RBFOX3: variants seen among roughly 807,000 people sequenced by gnomAD.
The protein encoded by RBFOX3 is RNA binding protein fox-1 homolog 3.
Under a neutral mutation model 48.7 loss-of-function variants are expected in RBFOX3, and 17 were observed. That is an observed-to-expected ratio of 0.35 (90% CI 0.24 to 0.52). RBFOX3 has a LOEUF of 0.52. Among genes scored for constraint, RBFOX3 ranks in the 20% least tolerant of loss-of-function variants. The pLI is 0.94. For synonymous variants in RBFOX3, 212 were observed against 209.5 expected (o/e 1.01, Z -0.10); for missense variants, 382 against 497.5 (o/e 0.77, Z 2.21).
intron 1 of RBFOX3, among the ~76,000 whole-genome samples, chr17:79,544,453 A>C (rs2090126365): frequency 6.6e-6 from 1 of 152,050 alleles, no homozygotes; most frequent in Non-Finnish European, 1.5e-5. Flanking sequence ...TGATTTGGAG[A>C]AGGAGGTGAC....
At position 79,530,946 on chromosome 17, in the gene RBFOX3, G is replaced by A. The variant is rs2087658783; in HGVS notation, c.-319-48348C>T. Reference sequence around the variant, plus strand: ...CTCGGCCAGTCAGAGCCACGTGGCTGTGCCGTGCGGCAGGAAGGCCGCCGT... The same window carrying A: ...CTCGGCCAGTCAGAGCCACGTGGCTATGCCGTGCGGCAGGAAGGCCGCCGT... On this transcript the variant is annotated intron_variant, in intron 1 of 14. Transcript: ENST00000693108. 3.3e-5 allele frequency among the ~76,000 whole-genome samples: 5 copies of A among 152,344 alleles called. No individual in the cohort carries two copies. In the South Asian group the frequency reaches 1.0e-3, roughly 32 times the overall value.
intron 4 of RBFOX3, among the ~76,000 whole-genome samples, chr17:79,152,385 G>A (rs1243182341): frequency 1.3e-5 from 2 of 151,824 alleles, no homozygotes; most frequent in African/African-American, 4.9e-5. Context: ...TGCCAGCCGA[G>A]GCCCAGAGAG....
intron 3 of RBFOX3, among the ~76,000 whole-genome samples, chr17:79,297,557 G>A (rs117506196): frequency 0.013 from 2,053 of 152,378 alleles, 24 homozygotes; most frequent in Non-Finnish European, 0.019. Flanking sequence ...AAGAAGCAAA[G>A]CTGATGTAGG....
chr17:79,161,636 C>A (rs182668207), intron 4 of RBFOX3, among the ~76,000 whole-genome samples: 1 of 152,290 alleles, frequency 6.6e-6, no homozygotes, highest in African/African-American at 2.4e-5. Flanking sequence ...CACTCTGTCA[C>A]CCAGGCTGGA....
At chr17:79,652,544 C>A in the RBFOX3 span, among the ~76,000 whole-genome samples, 116,091 of 122,976 alleles carry the variant, frequency 0.94, 54,766 homozygotes, top group Non-Finnish European at 1. Context: ...GGGAAAAGAA[C>A]GAGAGAAAGA....
At chr17:79,653,705 C>T in the RBFOX3 span, among the ~76,000 whole-genome samples, 2 of 151,492 alleles carry the variant, frequency 1.3e-5, no homozygotes, top group Non-Finnish European at 2.9e-5. Context: ...AAAGAGAATG[C>T]TGGTGTTTAT....
intron 2 of RBFOX3, among the ~76,000 whole-genome samples, chr17:79,372,716 C>A (rs1412612721): frequency 6.6e-6 from 1 of 152,020 alleles, no homozygotes; most frequent in Non-Finnish European, 1.5e-5. Flanking sequence ...CCTGATTAAC[C>A]CTTCTCATGC....
At chr17:79,121,978 A>G (rs2035866757) in intron 4 of RBFOX3, among the ~76,000 whole-genome samples, 1 of 151,994 alleles carries the variant, frequency 6.6e-6, no homozygotes, top group Non-Finnish European at 1.5e-5. Flanking sequence ...ACGTGCCCCC[A>G]AAGGGACCTC....
chr17:79,465,753 C>T (rs374761692), intron 2 of RBFOX3, among the ~76,000 whole-genome samples: 1 of 152,236 alleles, frequency 6.6e-6, no homozygotes, highest in Non-Finnish European at 1.5e-5. Flanking sequence ...GGGAGTCACT[C>T]GGCAGGTAGC....
At chr17:79,456,605 A>G (rs1308587264) in intron 2 of RBFOX3, among the ~76,000 whole-genome samples, 2 of 151,868 alleles carry the variant, frequency 1.3e-5, no homozygotes, top group African/African-American at 4.8e-5. Context: ...TAAAATATTA[A>G]TCGGTGAATT....
At chr17:79,310,541 G>A (rs1292612036) in intron 2 of RBFOX3, among the ~76,000 whole-genome samples, 1 of 151,836 alleles carries the variant, frequency 6.6e-6, no homozygotes. Context: ...GCCCCGTCCT[G>A]CTTCTAGGAC....
intron 2 of RBFOX3, among the ~76,000 whole-genome samples, chr17:79,329,684 A>G (rs988471361): frequency 6.6e-6 from 1 of 152,054 alleles, no homozygotes; most frequent in Non-Finnish European, 1.5e-5. Context: ...CCCCGGCCTA[A>G]TGGCCAGCCC....
At chr17:79,258,475 C>A (rs541849898) in intron 3 of RBFOX3, among the ~76,000 whole-genome samples, 1 of 152,192 alleles carries the variant, frequency 6.6e-6, no homozygotes, top group African/African-American at 2.4e-5. Context: ...TTACTGAGCA[C>A]GGGAATGTGC....
chr17:79,203,534 G>A (rs2057083254), intron 4 of RBFOX3, among the ~76,000 whole-genome samples: 1 of 71,272 alleles, frequency 1.4e-5, no homozygotes, highest in Non-Finnish European at 2.9e-5. Flanking sequence ...TGTAAGGACT[G>A]TGGGGGTGGG....
At chr17:79,232,096 G>A (rs1280939644) in intron 4 of RBFOX3, among the ~76,000 whole-genome samples, 1 of 152,104 alleles carries the variant, frequency 6.6e-6, no homozygotes, top group Non-Finnish European at 1.5e-5. Context: ...ATTATCACGA[G>A]AACAGCATGG....
chr17:79,289,024 G>C (rs990158201), intron 3 of RBFOX3, among the ~76,000 whole-genome samples: 2 of 152,110 alleles, frequency 1.3e-5, no homozygotes, highest in Non-Finnish European at 2.9e-5. Context: ...CATGGGGACA[G>C]CTGGGGGGAG....
At chr17:79,213,494 G>A (rs1480548945) in intron 4 of RBFOX3, among the ~76,000 whole-genome samples, 2 of 152,216 alleles carry the variant, frequency 1.3e-5, no homozygotes, top group Non-Finnish European at 2.9e-5. Flanking sequence ...GTCAAGGGCT[G>A]GCCCTCCCCT....
chr17:79,458,904 T>C (rs988586604), intron 2 of RBFOX3, among the ~76,000 whole-genome samples: 2 of 152,212 alleles, frequency 1.3e-5, no homozygotes, highest in Non-Finnish European at 2.9e-5. Context: ...TCCCTCTCTC[T>C]GTCCCTCCAA....
chr17:79,133,875 G>A (rs1018533279), intron 4 of RBFOX3, among the ~76,000 whole-genome samples: 19 of 152,190 alleles, frequency 1.2e-4, no homozygotes, highest in African/African-American at 4.3e-4. Flanking sequence ...TGTGAATATC[G>A]GAGCAGCCCC....
Sources: allele counts gnomAD v4.1 joint callset (sites outside exome capture counted in the v4.1 genomes callset), GRCh38; gene constraint gnomAD v4.1.1; transcripts MANE v1.5; gene names NCBI Gene and HGNC (gene_info 2026-07-23, HGNC 2026-07-21).